The following AUTS2 variants were observed in gnomAD, a reference collection of about 807,000 sequenced individuals.
AUTS2 encodes the protein activator of transcription and developmental regulator AUTS2.
In AUTS2, 17 loss-of-function variants were observed where a neutral mutation model predicts 112.4. The observed-to-expected ratio is 0.15, with a 90% CI of 0.10 to 0.23. The LOEUF is 0.23. Among genes scored for constraint, AUTS2 ranks in the 10% least tolerant of loss-of-function variants. AUTS2 has a pLI of 1.00. For synonymous variants in AUTS2, 751 were observed against 702.7 expected, an observed-to-expected ratio of 1.07 and a Z score of -1.09; for missense variants, 1,510 against 1,701.6, an observed-to-expected ratio of 0.89 and a Z score of 1.98.
intron 5 of AUTS2, among the ~76,000 whole-genome samples, chr7:70,695,441 G>C (rs1809032614): frequency 6.6e-6 from 1 of 152,242 alleles, no homozygotes; most frequent in Non-Finnish European, 1.5e-5. Context: ...TCGGGATCCC[G>C]GCCCGCACCC....
intron 2 of AUTS2, among the ~76,000 whole-genome samples, chr7:70,066,589 G>A (rs1802505216): frequency 6.9e-6 from 1 of 145,696 alleles, no homozygotes. Context: ...CACCCAGGCT[G>A]GAGTGCAATG....
chr7:70,478,956 T>A (rs983576271), intron 5 of AUTS2, among the ~76,000 whole-genome samples: 5 of 152,188 alleles, frequency 3.3e-5, no homozygotes, highest in African/African-American at 1.2e-4. Context: ...AACTTCGCAC[T>A]TGGCATAATA....
chr7:70,506,265 G>A (rs1285630984), intron 5 of AUTS2, among the ~76,000 whole-genome samples: 1 of 152,202 alleles, frequency 6.6e-6, no homozygotes, highest in African/African-American at 2.4e-5. Flanking sequence ...AGCAGAGCCC[G>A]AACAGCAGTA....
At chr7:70,626,188 CAGGCGTGA>C (rs1804932803) in intron 5 of AUTS2, among the ~76,000 whole-genome samples, 1 of 151,054 alleles carries the variant, frequency 6.6e-6, no homozygotes, top group African/African-American at 2.4e-5. Flanking sequence ...GCTGGGATTA[CAGGCGTGA>C]GCCACCATGC....
At chr7:70,299,604 C>T (rs1175853551) in intron 4 of AUTS2, among the ~76,000 whole-genome samples, 1 of 152,074 alleles carries the variant, frequency 6.6e-6, no homozygotes, top group Non-Finnish European at 1.5e-5. Flanking sequence ...ATTCTGCCAC[C>T]ACAGCCTGAA....
At chr7:70,207,769 T>A (rs1479445289) in intron 4 of AUTS2, among the ~76,000 whole-genome samples, 2 of 152,136 alleles carry the variant, frequency 1.3e-5, no homozygotes, top group Non-Finnish European at 2.9e-5. Context: ...CCCAGCACTT[T>A]GGGAGGCCGA....
At chr7:69,830,202 A>G (rs1219906670) in intron 1 of AUTS2, among the ~76,000 whole-genome samples, 1 of 152,168 alleles carries the variant, frequency 6.6e-6, no homozygotes, top group Non-Finnish European at 1.5e-5. Context: ...GCACAGACAC[A>G]AGGAGGGTAA....
At chr7:70,272,267 C>T (rs1012264965) in intron 4 of AUTS2, among the ~76,000 whole-genome samples, 4 of 151,602 alleles carry the variant, frequency 2.6e-5, no homozygotes, top group Non-Finnish European at 5.9e-5. Flanking sequence ...ACATTTTAGT[C>T]ATGAAATATA....
chr7:70,157,135 T>A (rs1322146890), intron 4 of AUTS2, among the ~76,000 whole-genome samples: 1 of 151,982 alleles, frequency 6.6e-6, no homozygotes, highest in East Asian at 1.9e-4. Context: ...TGCATTTTTC[T>A]ATAATTTTCT....
intron 5 of AUTS2, among the ~76,000 whole-genome samples, chr7:70,494,587 A>G (rs1258782140): frequency 6.8e-6 from 1 of 146,154 alleles, no homozygotes; most frequent in East Asian, 2.1e-4. Context: ...CCCCCCCGAC[A>G]CTCAGATCCC....
At chr7:70,774,204 T>A in intron 12 of AUTS2, 105 bp downstream of exon 12, 1 of 1,045,710 alleles carries the variant, frequency 9.6e-7, no homozygotes, top group Non-Finnish European at 1.5e-6. Context: ...TTGAGCGAGC[T>A]GCTGTTTCAG....
At chr7:69,813,517 G>A (rs1243912858) in intron 1 of AUTS2, among the ~76,000 whole-genome samples, 12 of 152,150 alleles carry the variant, frequency 7.9e-5, no homozygotes, top group Admixed American at 7.9e-4. Flanking sequence ...ACCTTTCTAA[G>A]CCTAGGTTTC....
chr7:70,665,697 A>T (rs898907583), intron 5 of AUTS2, among the ~76,000 whole-genome samples: 2 of 152,170 alleles, frequency 1.3e-5, no homozygotes, highest in African/African-American at 4.8e-5. Context: ...AAATGCATGG[A>T]TTTTAGATGT....
intron 2 of AUTS2, among the ~76,000 whole-genome samples, chr7:69,997,520 T>A (rs1799001134): frequency 6.6e-6 from 1 of 152,126 alleles, no homozygotes; most frequent in Non-Finnish European, 1.5e-5. Flanking sequence ...AGAAAGGAAG[T>A]TTATTTGGCT....
chr7:70,497,369 A>T (rs993185606), intron 5 of AUTS2, among the ~76,000 whole-genome samples: 3 of 152,314 alleles, frequency 2.0e-5, no homozygotes, highest in South Asian at 2.1e-4. Flanking sequence ...TCACTTCTTG[A>T]GGCTTCAGAC....
At chr7:69,978,561 G>A (rs1204842699) in intron 2 of AUTS2, among the ~76,000 whole-genome samples, 2 of 152,122 alleles carry the variant, frequency 1.3e-5, no homozygotes, top group Non-Finnish European at 2.9e-5. Context: ...ATTATTGGTT[G>A]GATGCAGTGG....
rs943382872 is a variant in AUTS2 at position 70,226,948 on chromosome 7, T to G, written c.660+92377T>G. On this transcript the variant is annotated intron_variant, in intron 4 of 18. Transcript: ENST00000342771. ...GGAAGAAATTTTTGAAATGAGTGGA[T>G]GCTCTAAGGAGCCTTTTAAGTGAGT... 2.6e-5 allele frequency among the ~76,000 whole-genome samples: 4 copies of G among 152,318 alleles called. No homozygotes were observed. The South Asian group carries it at 8.3e-4, about 32-fold the overall frequency.
intron 4 of AUTS2, among the ~76,000 whole-genome samples, chr7:70,181,976 T>G (rs969235798): frequency 1.3e-5 from 2 of 150,940 alleles, no homozygotes; most frequent in African/African-American, 4.9e-5. Flanking sequence ...TTTTTTGTAT[T>G]TTTAGTAGAG....
chr7:70,701,615 A>T (rs1809466696), intron 6 of AUTS2, among the ~76,000 whole-genome samples: 1 of 152,054 alleles, frequency 6.6e-6, no homozygotes. Flanking sequence ...CCTGCCTTTT[A>T]TTTCCTGCTT....
Sources: gnomAD v4.1 joint callset for allele counts (sites outside exome capture counted in the v4.1 genomes callset) on GRCh38, gnomAD v4.1.1 for gene constraint, MANE v1.5 for transcripts, NCBI Gene and HGNC (gene_info 2026-07-23, HGNC 2026-07-21) for gene names.